PDGFD: variants seen among roughly 807,000 people sequenced by gnomAD.
PDGFD encodes platelet-derived growth factor D.
Under a neutral mutation model 44.7 loss-of-function variants are expected in PDGFD, and 30 were observed. The ratio of observed to expected loss-of-function variants is 0.67; its 90% confidence interval spans 0.50 to 0.91. The LOEUF is 0.91. Among genes scored for constraint, PDGFD ranks in the 40% least tolerant of loss-of-function variants. PDGFD has a pLI of 0.00. For synonymous variants in PDGFD, 173 were observed against 168.4 expected (o/e 1.03, Z -0.21); for missense variants, 445 against 457.8 (o/e 0.97, Z 0.25).
rs112715807 is a variant in PDGFD, at chr11:103,998,446, C to T, written c.329+1605G>A. ...AATCGTGCCTTCACAATGAGACTTC[C>T]ATCAATACTCTTCTAGGCTGGTGAA... On this transcript the variant is annotated intron_variant, in intron 2 of 6. Coordinates refer to ENST00000393158, the MANE Select transcript of PDGFD (RefSeq NM_025208.5). 3.3e-3 allele frequency among the ~76,000 whole-genome samples: 505 copies of T among 152,278 alleles called. 4 individuals are homozygous for T. Among genetic ancestry groups the T allele is most frequent in the African/African-American group, 0.012 (488 of 41,556 alleles).
At chr11:103,994,951 T>C (rs1859514279) in intron 3 of PDGFD, among the ~76,000 whole-genome samples, 1 of 151,660 alleles carries the variant, frequency 6.6e-6, no homozygotes, top group African/African-American at 2.4e-5. Flanking sequence ...GTAGTCATGG[T>C]TCACTGTAGC....
At chr11:104,039,371 C>A (rs1050253645) in intron 1 of PDGFD, among the ~76,000 whole-genome samples, 1 of 151,918 alleles carries the variant, frequency 6.6e-6, no homozygotes, top group Admixed American at 6.6e-5. Flanking sequence ...ATTTTCCCGA[C>A]AAGATATAAA....
chr11:104,058,246 C>G (rs1243847300), intron 1 of PDGFD, among the ~76,000 whole-genome samples: 4 of 152,068 alleles, frequency 2.6e-5, no homozygotes, highest in Admixed American at 6.5e-5. Context: ...TTGCAAAACA[C>G]GTACATGATA....
At chr11:103,933,576 G>T (rs1434762595) in intron 5 of PDGFD, among the ~76,000 whole-genome samples, 1 of 152,146 alleles carries the variant, frequency 6.6e-6, no homozygotes, top group East Asian at 1.9e-4. Flanking sequence ...CACAGCAAAA[G>T]ATTCTTAATC....
chr11:104,045,023 G>A (rs906285883), intron 1 of PDGFD, among the ~76,000 whole-genome samples: 2 of 152,080 alleles, frequency 1.3e-5, no homozygotes, highest in African/African-American at 4.8e-5. Flanking sequence ...CGGCGACAGA[G>A]GGAGACTCTG....
At chr11:103,951,154 G>T (rs1340940887) in intron 3 of PDGFD, among the ~76,000 whole-genome samples, 1 of 152,142 alleles carries the variant, frequency 6.6e-6, no homozygotes. Context: ...ACACTGAAAA[G>T]AAACCAACTT....
intron 1 of PDGFD, among the ~76,000 whole-genome samples, chr11:104,124,831 TAA>T (rs2134466400): frequency 6.6e-6 from 1 of 152,160 alleles, no homozygotes; most frequent in East Asian, 1.9e-4. Context: ...TAAAGAAATT[TAA>T]AGAGTCCAGA....
chr11:103,950,575 T>TAAATAAATAAATAAATAAAC (rs2134328043), intron 3 of PDGFD, among the ~76,000 whole-genome samples: 1 of 150,544 alleles, frequency 6.6e-6, no homozygotes, highest in Admixed American at 6.6e-5. Context: ...AAAGAAAAAA[T>TAAATAAATAAATAAATAAAC]AAATAAATAA....
At chr11:103,918,982 C>G (rs1858168121) in intron 6 of PDGFD, among the ~76,000 whole-genome samples, 1 of 152,176 alleles carries the variant, frequency 6.6e-6, no homozygotes, top group Admixed American at 6.5e-5. Context: ...TACCCTCACA[C>G]AACACTTTCT....
intron 3 of PDGFD, among the ~76,000 whole-genome samples, chr11:103,952,521 G>C (rs1858774123): frequency 6.6e-6 from 1 of 152,104 alleles, no homozygotes. Context: ...CTGTGATGCT[G>C]TGTGTACCTT....
intron 1 of PDGFD, among the ~76,000 whole-genome samples, chr11:104,029,940 C>A (rs1322795513): frequency 6.6e-6 from 1 of 152,108 alleles, no homozygotes; most frequent in Non-Finnish European, 1.5e-5. Context: ...AATCTGACGT[C>A]CAAAAAGCTC....
At chr11:104,031,760 T>C (rs1186278741) in intron 1 of PDGFD, among the ~76,000 whole-genome samples, 1 of 152,126 alleles carries the variant, frequency 6.6e-6, no homozygotes, top group East Asian at 1.9e-4. Context: ...CCAACAATGA[T>C]AGACTGGATA....
At chr11:104,122,722 T>G (rs1238545971) in intron 1 of PDGFD, among the ~76,000 whole-genome samples, 2 of 111,056 alleles carry the variant, frequency 1.8e-5, no homozygotes, top group African/African-American at 7.4e-5. Context: ...ACAAACAATT[T>G]TTTTTTAAAT....
intron 3 of PDGFD, among the ~76,000 whole-genome samples, chr11:103,994,711 C>T (rs987130546): frequency 6.6e-6 from 1 of 151,800 alleles, no homozygotes. Flanking sequence ...AGAGACAAAC[C>T]GAAAGAAAGT....
rs1565340458 is a variant in PDGFD at position 104,119,076 on chromosome 11, A to ATT, written c.124+44727_124+44728insAA. Among the ~76,000 whole-genome samples, 20 of 5,152 alleles carry ATT rather than the reference A, an allele frequency of 3.9e-3. 9 individuals are homozygous for ATT. Among genetic ancestry groups the ATT allele is most frequent in the Admixed American group, 0.011 (4 of 356 alleles). The allele number at this position is 5,152 out of a possible 152,430, so 3.4% of individuals were successfully genotyped here. On this transcript the variant is annotated intron_variant, in intron 1 of 6. Transcript: ENST00000393158. ...ATATATTAATATAATATATTGGTATAATATATAATATATTGATATAATATA... is the reference window on the plus strand; with the variant it reads ...ATATATTAATATAATATATTGGTATATTATATATAATATATTGATATAATATA...
chr11:104,013,446 G>A (rs956383980), intron 1 of PDGFD, among the ~76,000 whole-genome samples: 1 of 152,254 alleles, frequency 6.6e-6, no homozygotes, highest in East Asian at 1.9e-4. Flanking sequence ...CTACTGTGTG[G>A]CTGGAGCCCA....
rs761148674 is a variant in PDGFD, at chr11:103,927,119, C to T, written c.780G>A (p.Leu260=). The stretch of plus-strand genomic sequence containing the variant: ...GCTTGGCATCATCATTGAGCCTATC[C>T]AGGTCAACTGTAAGCAAATACATGC... ...SYHDRKSKVD[L]DRLNDDAKRY... is the part of the protein sequence containing the mutation. The change falls in exon 6 of 7, where the codon CTG becomes CTA. Residue 260 remains leucine, a synonymous_variant. Coordinates refer to ENST00000393158, the MANE Select transcript of PDGFD (RefSeq NM_025208.5). 5 of 1,613,932 alleles carry T rather than the reference C, an allele frequency of 3.1e-6. No homozygotes were observed. Among genetic ancestry groups the T allele is most frequent in the Non-Finnish European group, 4.2e-6 (5 of 1,179,886 alleles).
At chr11:104,010,089 T>C (rs1256371867) in intron 1 of PDGFD, among the ~76,000 whole-genome samples, 1 of 152,070 alleles carries the variant, frequency 6.6e-6, no homozygotes, top group Admixed American at 6.6e-5. Flanking sequence ...TTTAGAATTC[T>C]CCAGCAGAGA....
chr11:104,127,548 G>A (rs1178862632), intron 1 of PDGFD, among the ~76,000 whole-genome samples: 2 of 152,070 alleles, frequency 1.3e-5, no homozygotes, highest in Non-Finnish European at 2.9e-5. Flanking sequence ...TCTATGCAGA[G>A]GTAACTGCAA....
Sources: gnomAD v4.1 joint callset for allele counts (sites outside exome capture counted in the v4.1 genomes callset) on GRCh38, gnomAD v4.1.1 for gene constraint, MANE v1.5 for transcripts, NCBI Gene and HGNC (gene_info 2026-07-23, HGNC 2026-07-21) for gene names.